Variants in THADA observed in about 807,000 individuals in gnomAD.
THADA encodes tRNA (32-2'-O)-methyltransferase regulator THADA.
THADA carries 213 observed loss-of-function variants against 219.8 expected under a neutral mutation model. That is an observed-to-expected ratio of 0.97 (90% CI 0.87 to 1.09). The LOEUF is 1.09. Ranked by LOEUF, THADA falls within the 50% of genes least tolerant of loss-of-function variation. The probability of loss-of-function intolerance (pLI) is 0.00; values close to 1 mark genes in which losing one functional copy is unlikely to be tolerated. For synonymous variants in THADA, 1,018 were observed against 828.9 expected, an observed-to-expected ratio of 1.23 and a Z score of -3.92; for missense variants, 2,956 against 2,311.3, an observed-to-expected ratio of 1.28 and a Z score of -5.72.
chr2:43,291,884 C>T, intron 33 of THADA, 116 bp from the exon 34 acceptor site: 1 of 969,968 alleles, frequency 1.0e-6, no homozygotes, highest in Non-Finnish European at 1.5e-6. Flanking sequence ...AAATCTCTAC[C>T]TCCTGGTTAC....
At position 43,526,808 on chromosome 2, in the gene THADA, T is replaced by TA. The variant is rs535735256; in HGVS notation, c.3374+1070dup. On this transcript the variant is annotated intron_variant, in intron 22 of 37. Transcript: ENST00000405975. ...CTTTAATAACAGGAACTTCATCTTA[T>TA]AAAAAAACCATAATATCATCCAAAC... 9.0e-4 allele frequency among the ~76,000 whole-genome samples: 137 copies of TA among 152,230 alleles called. 1 individual carries two copies. Among genetic ancestry groups the TA allele is most frequent in the African/African-American group, 3.1e-3 (128 of 41,542 alleles).
intron 31 of THADA, among the ~76,000 whole-genome samples, chr2:43,302,780 C>G (rs10173636): frequency 0.15 from 22,408 of 152,030 alleles, 1,942 homozygotes; most frequent in African/African-American, 0.24. Context: ...AGCCAGGTAT[C>G]GTGGCGTGCA....
intron 29 of THADA, among the ~76,000 whole-genome samples, chr2:43,385,527 A>G (rs1672554243): frequency 6.6e-6 from 1 of 151,602 alleles, no homozygotes; most frequent in East Asian, 1.9e-4. Context: ...GAATGGCGTG[A>G]ACCCGGAAGG....
At chr2:43,552,927 G>C (rs1452752221) in intron 17 of THADA, among the ~76,000 whole-genome samples, 1 of 152,086 alleles carries the variant, frequency 6.6e-6, no homozygotes, top group Non-Finnish European at 1.5e-5. Flanking sequence ...GTCCAGAGTA[G>C]GCAAATCTAT....
intron 15 of THADA, chr2:43,565,297 G>C (rs1288069027): frequency 6.6e-6 from 1 of 152,054 alleles, no homozygotes; most frequent in African/African-American, 2.4e-5. Context: ...AATTAACCTG[G>C]GCGTGGTGGC....
intron 30 of THADA, among the ~76,000 whole-genome samples, chr2:43,325,255 T>C (rs1679188880): frequency 6.6e-6 from 1 of 151,762 alleles, no homozygotes; most frequent in African/African-American, 2.4e-5. Flanking sequence ...CTGTGATAAA[T>C]TATTCACTTT....
rs1673136924 is a variant in THADA at position 43,279,849 on chromosome 2, G to A, written c.5212C>T (p.Gln1738Ter). The part of the protein sequence containing the change: ...ALWKCVLTLL[Q>*]SEEQAVRDAA... ...TCTCTAACAGCTTGCTCCTCACTCT[G>A]CAGAAGGGTAAGGACACACTTCCAG... Residue 1738 changes from glutamine (Q) to a stop codon, truncating the protein, a stop_gained, in exon 36 of 38, where the codon CAG becomes TAG. Coordinates refer to ENST00000405975, the MANE Select transcript of THADA (RefSeq NM_022065.5). LOFTEE classifies it high-confidence loss of function. The A allele has an allele frequency of 6.4e-7, 1 of 1,569,958 alleles. No homozygotes were observed. Among genetic ancestry groups the A allele is most frequent in the African/African-American group, 1.3e-5 (1 of 74,134 alleles).
At chr2:43,570,365 A>G (rs1460820413) in intron 14 of THADA, 23 bp downstream of exon 14, 1 of 1,573,966 alleles carries the variant, frequency 6.4e-7, no homozygotes. Flanking sequence ...AAAAACTCTC[A>G]TGTTTAGAAA....
intron 35 of THADA, 121 bp downstream of exon 35, chr2:43,286,787 C>A: frequency 8.8e-7 from 1 of 1,141,710 alleles, no homozygotes; most frequent in South Asian, 1.6e-5. Context: ...AGGAATATAA[C>A]TGAAAGACAT....
intron 1 of THADA, among the ~76,000 whole-genome samples, chr2:43,594,323 T>TA (rs1397562443): frequency 2.0e-5 from 3 of 152,184 alleles, no homozygotes; most frequent in African/African-American, 7.2e-5. Flanking sequence ...CTCGTGCCTG[T>TA]AATCCCAGCA....
chr2:43,311,430 T>G (rs1481445941), intron 31 of THADA, among the ~76,000 whole-genome samples: 1 of 152,200 alleles, frequency 6.6e-6, no homozygotes, highest in East Asian at 1.9e-4. Flanking sequence ...TGTAAGATGG[T>G]TGCAGACTCT....
chr2:43,256,227 G>A (rs756287994), intron 36 of THADA, among the ~76,000 whole-genome samples: 3 of 152,114 alleles, frequency 2.0e-5, no homozygotes, highest in East Asian at 1.9e-4. Context: ...ACCCGCTTAC[G>A]TCTGGGTGCG....
At chr2:43,453,140 C>T (rs1682565689) in intron 26 of THADA, among the ~76,000 whole-genome samples, 1 of 152,182 alleles carries the variant, frequency 6.6e-6, no homozygotes, top group Non-Finnish European at 1.5e-5. Flanking sequence ...AATTAAGACA[C>T]AATGCTGTCT....
intron 24 of THADA, among the ~76,000 whole-genome samples, chr2:43,501,307 C>CAAAAA (rs60448094): frequency 0.011 from 170 of 15,066 alleles, 16 homozygotes; most frequent in Non-Finnish European, 0.015. Context: ...ACTCCAACTC[C>CAAAAA]AAAAAAAAAA....
intron 20 of THADA, among the ~76,000 whole-genome samples, chr2:43,546,258 T>G (rs1230613677): frequency 6.6e-6 from 1 of 152,152 alleles, no homozygotes; most frequent in Non-Finnish European, 1.5e-5. Context: ...TGTCTGATCT[T>G]TTACATTTGC....
intron 29 of THADA, among the ~76,000 whole-genome samples, chr2:43,349,856 C>A (rs1177843870): frequency 6.6e-6 from 1 of 152,226 alleles, no homozygotes; most frequent in Admixed American, 6.5e-5. Flanking sequence ...TGCATGCAGA[C>A]TGCAGGTGAA....
At chr2:43,393,167 A>G (rs1673602620) in intron 29 of THADA, among the ~76,000 whole-genome samples, 1 of 152,222 alleles carries the variant, frequency 6.6e-6, no homozygotes, top group Non-Finnish European at 1.5e-5. Flanking sequence ...GGGAGGGTAC[A>G]ATATACCTTT....
intron 25 of THADA, among the ~76,000 whole-genome samples, chr2:43,487,202 G>A (rs1257237578): frequency 2.0e-5 from 3 of 152,088 alleles, no homozygotes; most frequent in African/African-American, 7.2e-5. Context: ...ATCTAGTGAG[G>A]TAGTTCCCAA....
At chr2:43,579,948 G>T (rs1700235175) in intron 8 of THADA, among the ~76,000 whole-genome samples, 1 of 151,386 alleles carries the variant, frequency 6.6e-6, no homozygotes. Flanking sequence ...ACACTTTACT[G>T]ATTATGAAGC....
Sources: gnomAD v4.1 joint callset for allele counts (sites outside exome capture counted in the v4.1 genomes callset) on GRCh38, gnomAD v4.1.1 for gene constraint, MANE v1.5 for transcripts, NCBI Gene and HGNC (gene_info 2026-07-23, HGNC 2026-07-21) for gene names.